Variants in CEP128 observed in about 807,000 individuals in gnomAD.
The protein encoded by CEP128 is centrosomal protein 128kDa.
CEP128 carries 132 observed loss-of-function variants against 156.7 expected under a neutral mutation model. The ratio of observed to expected loss-of-function variants is 0.84; its 90% CI spans 0.73 to 0.97. The LOEUF (loss-of-function observed/expected upper bound fraction) is 0.97, where lower values mean the gene tolerates loss of function less well. Ranked by LOEUF, CEP128 falls within the 50% of genes least tolerant of loss-of-function variation. The pLI, the probability that CEP128 is intolerant of heterozygous loss-of-function variation, is 0.00. For synonymous variants in CEP128, 469 were observed against 448.9 expected (o/e 1.04, Z -0.57); for missense variants, 1,252 against 1,281.9 (o/e 0.98, Z 0.36).
At chr14:80,862,703 TA>T in intron 9 of CEP128, 53 bp downstream of exon 9, 2 of 1,195,444 alleles carry the variant, frequency 1.7e-6, no homozygotes, top group African/African-American at 3.0e-5. Flanking sequence ...TTAACATGGC[TA>T]AATAAACATC....
chr14:80,815,327 C>G (rs34563443), intron 13 of CEP128, among the ~76,000 whole-genome samples: 14,916 of 152,140 alleles, frequency 0.098, 1,246 homozygotes, highest in East Asian at 0.43. Flanking sequence ...CCCAACATCA[C>G]TAATCATCAG....
chr14:80,503,852 A>G (rs1887848990), intron 24 of CEP128, among the ~76,000 whole-genome samples: 1 of 152,222 alleles, frequency 6.6e-6, no homozygotes, highest in South Asian at 2.1e-4. Context: ...CATTTAGACT[A>G]AAATAATCAT....
At chr14:80,731,742 C>G (rs1483455868) in intron 19 of CEP128, among the ~76,000 whole-genome samples, 2 of 152,176 alleles carry the variant, frequency 1.3e-5, no homozygotes, top group Middle Eastern at 6.8e-3. Flanking sequence ...GGGCTTTACA[C>G]TGGACAGATA....
At chr14:80,763,874 C>T (rs191652576) in intron 16 of CEP128, among the ~76,000 whole-genome samples, 55 of 152,184 alleles carry the variant, frequency 3.6e-4, no homozygotes, top group African/African-American at 1.3e-3. Flanking sequence ...GAGGTTTCTC[C>T]CCACACGTAC....
chr14:80,930,336 C>T (rs1270300045), intron 2 of CEP128, among the ~76,000 whole-genome samples: 1 of 152,132 alleles, frequency 6.6e-6, no homozygotes, highest in Non-Finnish European at 1.5e-5. Flanking sequence ...GCACATGGCC[C>T]GCCCATTATT....
chr14:80,616,515 C>T (rs2140623761), intron 19 of CEP128, among the ~76,000 whole-genome samples: 1 of 142,984 alleles, frequency 7.0e-6, no homozygotes, highest in South Asian at 2.4e-4. Flanking sequence ...CTAAATTACC[C>T]AAATTCAACT....
chr14:80,788,622 A>G (rs1400242030), intron 14 of CEP128, among the ~76,000 whole-genome samples: 1 of 152,090 alleles, frequency 6.6e-6, no homozygotes, highest in African/African-American at 2.4e-5. Context: ...TATTCACAGC[A>G]TCAATGCCCC....
At chr14:80,864,034 A>G (rs1466825568) in intron 8 of CEP128, among the ~76,000 whole-genome samples, 2 of 152,200 alleles carry the variant, frequency 1.3e-5, no homozygotes, top group Admixed American at 6.5e-5. Flanking sequence ...AGCAAGACCA[A>G]TTCTTCCTCA....
intron 19 of CEP128, among the ~76,000 whole-genome samples, chr14:80,738,237 T>C (rs1350883558): frequency 6.6e-6 from 1 of 152,198 alleles, no homozygotes; most frequent in Non-Finnish European, 1.5e-5. Context: ...TTAGAAAAGA[T>C]ACCTACAGTT....
At chr14:80,908,611 C>A (rs1884026981) in intron 4 of CEP128, among the ~76,000 whole-genome samples, 1 of 152,104 alleles carries the variant, frequency 6.6e-6, no homozygotes, top group Non-Finnish European at 1.5e-5. Flanking sequence ...TTCATGGTTA[C>A]CTTATAGTCC....
At chr14:80,940,653 TG>T in intron 1 of CEP128, among the ~76,000 whole-genome samples, 1 of 146,352 alleles carries the variant, frequency 6.8e-6, no homozygotes, top group African/African-American at 2.6e-5. Context: ...CAGTCCAGCC[TG>T]GGCGACAGAG....
At chr14:80,558,124 C>T (rs1351549145) in intron 21 of CEP128, among the ~76,000 whole-genome samples, 3 of 152,054 alleles carry the variant, frequency 2.0e-5, no homozygotes, top group African/African-American at 7.2e-5. Flanking sequence ...TGCTTACTCT[C>T]TTCTGTTCTT....
At chr14:80,792,717 G>C in intron 14 of CEP128, 43 bp downstream of exon 14, 4 of 1,484,244 alleles carry the variant, frequency 2.7e-6, no homozygotes, top group Non-Finnish European at 3.7e-6. Flanking sequence ...ATGAATGGTT[G>C]AATCACATTG....
intron 13 of CEP128, among the ~76,000 whole-genome samples, chr14:80,825,402 C>G (rs1175287119): frequency 6.6e-6 from 1 of 152,232 alleles, no homozygotes; most frequent in Non-Finnish European, 1.5e-5. Flanking sequence ...AGCCATCATG[C>G]CCAGCCCTAT....
At chr14:80,609,495 G>A (rs1429495702) in intron 19 of CEP128, among the ~76,000 whole-genome samples, 1 of 152,090 alleles carries the variant, frequency 6.6e-6, no homozygotes, top group African/African-American at 2.4e-5. Flanking sequence ...GGGTATTTGG[G>A]TGTCCATTTT....
chr14:80,914,332 G>A lies in CEP128; in HGVS notation c.224C>T (p.Ala75Val), dbSNP rs375520776. 29 of 1,610,862 alleles carry A rather than the reference G, an allele frequency of 1.8e-5. No individual in the cohort carries two copies. The highest frequency in any genetic ancestry group is 2.7e-5 in the African/African-American group (2 of 74,558). ...YREYSNGQAG[A>V]IEHLKESLEQ... is the part of the protein sequence containing the mutation. ...AATGTAGTTTCTCACATGTTCTATC[G>A]CACCCGCCTGTCCATTACTGTATTC... Residue 75 changes from alanine to valine, a missense_variant, in exon 4 of 25, where the codon GCG (alanine) becomes GTG (valine). Physicochemically the swap from Ala to Val is moderately conservative, Grantham distance 64. Transcript: ENST00000555265.
At chr14:80,818,386 C>A (rs1884983194) in intron 13 of CEP128, among the ~76,000 whole-genome samples, 1 of 152,220 alleles carries the variant, frequency 6.6e-6, no homozygotes, top group Admixed American at 6.5e-5. Context: ...ATGCACAGAT[C>A]AACAAAAACT....
intron 19 of CEP128, among the ~76,000 whole-genome samples, chr14:80,694,158 A>C (rs1002032918): frequency 6.6e-5 from 10 of 152,326 alleles, no homozygotes; most frequent in Non-Finnish European, 1.5e-4. Flanking sequence ...TATGAAAAAA[A>C]GCTCATCAAC....
chr14:80,949,302 C>A (rs1283764473), intron 2 of CEP128, among the ~76,000 whole-genome samples: 2 of 151,980 alleles, frequency 1.3e-5, no homozygotes, highest in Non-Finnish European at 2.9e-5. Flanking sequence ...ATTGGGGAGA[C>A]AAAGCTGAGA....
Sources: gnomAD v4.1 joint callset for allele counts (sites outside exome capture counted in the v4.1 genomes callset) on GRCh38, gnomAD v4.1.1 for gene constraint, MANE v1.5 for transcripts, NCBI Gene and HGNC (gene_info 2026-07-23, HGNC 2026-07-21) for gene names.